Variants in CDH9 observed in about 807,000 individuals in gnomAD.
CDH9 encodes the protein cadherin 9.
CDH9 carries 28 observed loss-of-function variants against 70.9 expected under a neutral mutation model. The observed-to-expected ratio is 0.40, with a 90% CI of 0.29 to 0.54. The LOEUF (loss-of-function observed/expected upper bound fraction) is 0.54. Among genes scored for constraint, CDH9 ranks in the 20% least tolerant of loss-of-function variants. The probability of loss-of-function intolerance (pLI) is 0.59; values close to 1 mark genes in which losing one functional copy is unlikely to be tolerated. For synonymous variants in CDH9, 409 were observed against 343.1 expected, an observed-to-expected ratio of 1.19 and a Z score of -2.12; for missense variants, 874 against 984.4, an observed-to-expected ratio of 0.89 and a Z score of 1.50.
At chr5:26,986,161 T>C (rs766674120) in intron 2 of CDH9, among the ~76,000 whole-genome samples, 11 of 152,076 alleles carry the variant, frequency 7.2e-5, no homozygotes, top group Non-Finnish European at 1.3e-4. Context: ...ACTGGAAACA[T>C]AGAAATAGTT....
chr5:26,924,700 C>G (rs1029964439), intron 2 of CDH9, among the ~76,000 whole-genome samples: 5 of 151,962 alleles, frequency 3.3e-5, no homozygotes, highest in African/African-American at 7.3e-5. Flanking sequence ...TATTCCTACC[C>G]CAGCCGCCCA....
intron 2 of CDH9, among the ~76,000 whole-genome samples, chr5:26,938,712 A>G (rs1741605567): frequency 6.6e-6 from 1 of 152,094 alleles, no homozygotes; most frequent in Non-Finnish European, 1.5e-5. Flanking sequence ...CCAATAACCA[A>G]CAGGGGAACT....
intron 2 of CDH9, among the ~76,000 whole-genome samples, chr5:26,973,895 A>T (rs148928782): frequency 6.6e-6 from 1 of 152,264 alleles, no homozygotes; most frequent in African/African-American, 2.4e-5. Context: ...ATGTTTTAAA[A>T]CTTACTTTTT....
chr5:26,964,085 C>G (rs748514751), intron 2 of CDH9, among the ~76,000 whole-genome samples: 5 of 151,712 alleles, frequency 3.3e-5, no homozygotes, highest in Non-Finnish European at 7.4e-5. Context: ...TTCACAAGCT[C>G]TATAATAAAG....
chr5:26,962,939 G>T (rs1442457246), intron 2 of CDH9, among the ~76,000 whole-genome samples: 2 of 151,922 alleles, frequency 1.3e-5, no homozygotes, highest in East Asian at 3.9e-4. Flanking sequence ...TTAATAAAAG[G>T]AACCCTCCTG....
At chr5:26,933,607 C>A (rs900895853) in intron 2 of CDH9, among the ~76,000 whole-genome samples, 3 of 151,780 alleles carry the variant, frequency 2.0e-5, no homozygotes, top group Admixed American at 2.0e-4. Flanking sequence ...AACTCCATCT[C>A]TACTAAAAAT....
intron 2 of CDH9, among the ~76,000 whole-genome samples, chr5:26,978,780 CA>C (rs1219112878): frequency 6.6e-6 from 1 of 151,470 alleles, no homozygotes; most frequent in Non-Finnish European, 1.5e-5. Flanking sequence ...AGGGCAGCAA[CA>C]ATAAGAATAA....
intron 2 of CDH9, among the ~76,000 whole-genome samples, chr5:26,925,422 T>C (rs1741319974): frequency 6.6e-6 from 1 of 152,198 alleles, no homozygotes. Context: ...TAAGTTTGTT[T>C]AAGTTCTTTG....
chr5:26,913,619 G>A (rs115024408), intron 3 of CDH9, among the ~76,000 whole-genome samples: 1 of 152,092 alleles, frequency 6.6e-6, no homozygotes, highest in Non-Finnish European at 1.5e-5. Context: ...TTATGTAAAT[G>A]AAATATAGAT....
At chr5:27,002,880 G>T (rs983692007) in intron 1 of CDH9, among the ~76,000 whole-genome samples, 1 of 151,386 alleles carries the variant, frequency 6.6e-6, no homozygotes, top group Non-Finnish European at 1.5e-5. Context: ...TAACAAACCT[G>T]CACGTAGTGC....
intron 1 of CDH9, among the ~76,000 whole-genome samples, chr5:26,999,954 A>G (rs1742735812): frequency 6.6e-6 from 1 of 152,158 alleles, no homozygotes; most frequent in Non-Finnish European, 1.5e-5. Flanking sequence ...AAAAAACTCA[A>G]AATGCCAAAA....
At chr5:26,931,674 AT>A (rs1172231710) in intron 2 of CDH9, among the ~76,000 whole-genome samples, 2 of 152,160 alleles carry the variant, frequency 1.3e-5, no homozygotes, top group Non-Finnish European at 2.9e-5. Context: ...GAATAAAGTA[AT>A]ATAAAAATTA....
At chr5:26,924,154 A>C (rs1270247711) in intron 2 of CDH9, among the ~76,000 whole-genome samples, 1 of 152,038 alleles carries the variant, frequency 6.6e-6, no homozygotes, top group African/African-American at 2.4e-5. Context: ...TCATTTATCC[A>C]GCCTAAATAA....
intron 3 of CDH9, among the ~76,000 whole-genome samples, chr5:26,912,987 G>A (rs565761059): frequency 6.6e-6 from 1 of 152,190 alleles, no homozygotes; most frequent in East Asian, 1.9e-4. Flanking sequence ...TGCCATCCGT[G>A]TAAGACATGA....
At chr5:27,014,551 G>T (rs566381633) in intron 1 of CDH9, among the ~76,000 whole-genome samples, 1 of 151,716 alleles carries the variant, frequency 6.6e-6, no homozygotes, top group Non-Finnish European at 1.5e-5. Flanking sequence ...GATAATTATC[G>T]CAGGTGTTTC....
intron 2 of CDH9, among the ~76,000 whole-genome samples, chr5:26,924,124 A>T (rs982080694): frequency 2.0e-5 from 3 of 152,098 alleles, no homozygotes; most frequent in African/African-American, 7.2e-5. Context: ...GTTTGTTGAA[A>T]AGAGAAACAA....
intron 2 of CDH9, among the ~76,000 whole-genome samples, chr5:26,924,738 T>C (rs1741306666): frequency 6.6e-6 from 1 of 151,974 alleles, no homozygotes; most frequent in Non-Finnish European, 1.5e-5. Flanking sequence ...GTGTGTGATG[T>C]TCCCCACCCT....
intron 1 of CDH9, among the ~76,000 whole-genome samples, chr5:26,990,285 A>G (rs1172781484): frequency 6.6e-6 from 1 of 152,184 alleles, no homozygotes; most frequent in African/African-American, 2.4e-5. Context: ...GTCTAGAGCT[A>G]CAGGTTCTGT....
At chr5:26,946,819 T>C (rs1313489016) in intron 2 of CDH9, among the ~76,000 whole-genome samples, 1 of 152,118 alleles carries the variant, frequency 6.6e-6, no homozygotes, top group African/African-American at 2.4e-5. Flanking sequence ...ACTGAATAAG[T>C]AGCTGTAGGT....
Sources: gnomAD v4.1 joint callset for allele counts (sites outside exome capture counted in the v4.1 genomes callset) on GRCh38, gnomAD v4.1.1 for gene constraint, MANE v1.5 for transcripts, NCBI Gene and HGNC (gene_info 2026-07-23, HGNC 2026-07-21) for gene names.